PATJ: variants seen among roughly 807,000 people sequenced by gnomAD.
The protein encoded by PATJ is PATJ crumbs cell polarity complex component.
In PATJ, 190 loss-of-function variants were observed where a neutral mutation model predicts 224.9. That is an observed-to-expected ratio of 0.84 (90% CI 0.75 to 0.95). PATJ has a LOEUF of 0.95. Among genes scored for constraint, PATJ ranks in the 40% least tolerant of loss-of-function variants. The pLI, the probability that PATJ is intolerant of heterozygous loss-of-function variation, is 0.00. For synonymous variants in PATJ, 769 were observed against 820.3 expected (o/e 0.94, Z 1.07); for missense variants, 2,121 against 2,270.3 (o/e 0.93, Z 1.34).
At chr1:61,789,805 C>T (rs1405542043) in intron 8 of PATJ, among the ~76,000 whole-genome samples, 2 of 152,108 alleles carry the variant, frequency 1.3e-5, no homozygotes, top group Non-Finnish European at 2.9e-5. Flanking sequence ...GAGTGAGACT[C>T]TGTCTCAAAA....
In PATJ at chr1:62,117,144, C is replaced by T. The variant is rs905699203; in HGVS notation, c.4816C>T (p.Leu1606Phe). Residue 1606 changes from leucine (L) to phenylalanine (F), a missense_variant, in exon 37 of 44, where the codon CTT becomes TTT. Physicochemically the swap from Leu to Phe is conservative, Grantham distance 22 (BLOSUM62 0). Coordinates refer to ENST00000642238, the MANE Select transcript of PATJ (RefSeq NM_001350145.3). ...TTGCCTTTCCAAGTGTGCACAGGGA[C>T]TTGTGCAGCTAGAGATTGGAAGACT... is the stretch of plus-strand genomic sequence containing the variant. Reference protein sequence around the residue: ...VATILKCAQGLVQLEIGRLRA... With the variant: ...VATILKCAQGFVQLEIGRLRA... The T allele has an allele frequency of 1.9e-6, 3 of 1,613,794 alleles. No individual in the cohort carries two copies. The highest frequency in any genetic ancestry group is 2.5e-6 in the Non-Finnish European group (3 of 1,179,872).
intron 28 of PATJ, among the ~76,000 whole-genome samples, chr1:62,005,919 G>A (rs1329268625): frequency 6.6e-6 from 1 of 152,056 alleles, no homozygotes; most frequent in Non-Finnish European, 1.5e-5. Flanking sequence ...GTATTGTTAG[G>A]TATAATATAT....
At chr1:61,877,418 T>C (rs1281280440) in intron 21 of PATJ, among the ~76,000 whole-genome samples, 1 of 152,014 alleles carries the variant, frequency 6.6e-6, no homozygotes, top group Non-Finnish European at 1.5e-5. Flanking sequence ...ACTTCTGATA[T>C]GGTTTGGCTC....
intron 29 of PATJ, among the ~76,000 whole-genome samples, chr1:62,035,304 A>AT (rs1650167715): frequency 6.6e-6 from 1 of 152,012 alleles, no homozygotes; most frequent in South Asian, 2.1e-4. Flanking sequence ...TTTTCTCCCA[A>AT]TTGCTTTGGT....
rs1646284009 is a variant in PATJ, at chr1:61,766,568, T to C, written c.384+95T>C. ...TACTCATTCTTTTTGCTGTAAAATG[T>C]ATTAGTATGTATTTTGCTTGCTTCT... is the stretch of plus-strand genomic sequence containing the variant. On this transcript the variant is annotated intron_variant, in intron 4 of 43. Transcript: ENST00000642238. 2.7e-5 allele frequency: 21 copies of C among 784,000 alleles called. No individual in the cohort carries two copies. The South Asian group carries it at 4.5e-4, about 17-fold the overall frequency. 48.6% of individuals were successfully genotyped at this position (784,000 alleles called of 1,614,324 possible). A position where few individuals can be genotyped will look rare whatever the true frequency, so the allele number is the denominator to read the frequency against.
At chr1:61,759,655 A>G (rs1645852466) in intron 1 of PATJ, among the ~76,000 whole-genome samples, 1 of 152,282 alleles carries the variant, frequency 6.6e-6, no homozygotes, top group Middle Eastern at 3.4e-3. Context: ...TGATCCGCCT[A>G]CCTTGGCCTC....
At chr1:62,123,868 A>T (rs1558201579) in intron 39 of PATJ, among the ~76,000 whole-genome samples, 1 of 151,762 alleles carries the variant, frequency 6.6e-6, no homozygotes, top group African/African-American at 2.4e-5. Flanking sequence ...AAACATCTTT[A>T]TATTTTTGCC....
intron 27 of PATJ, among the ~76,000 whole-genome samples, chr1:61,961,943 T>C (rs1485300404): frequency 7.3e-6 from 1 of 137,812 alleles, no homozygotes; most frequent in Non-Finnish European, 1.5e-5. Context: ...CACTCCAGCC[T>C]GGGCGACAAG....
chr1:61,999,791 T>C (rs1645635281), intron 28 of PATJ, among the ~76,000 whole-genome samples: 1 of 152,212 alleles, frequency 6.6e-6, no homozygotes, highest in Non-Finnish European at 1.5e-5. Flanking sequence ...AGTTTTGTCA[T>C]TACAGAAAGT....
At chr1:61,829,000 T>G (rs1201330594) in intron 16 of PATJ, among the ~76,000 whole-genome samples, 4 of 152,206 alleles carry the variant, frequency 2.6e-5, no homozygotes, top group Non-Finnish European at 5.9e-5. Flanking sequence ...TGTGAGCAAC[T>G]TCTTAACACA....
chr1:61,982,099 C>G (rs1644483127), intron 27 of PATJ, among the ~76,000 whole-genome samples: 1 of 151,932 alleles, frequency 6.6e-6, no homozygotes, highest in African/African-American at 2.4e-5. Context: ...GTTTTGTGGC[C>G]TGCTTCTGGG....
At chr1:62,023,790 A>C (rs1647249887) in intron 29 of PATJ, among the ~76,000 whole-genome samples, 1 of 152,220 alleles carries the variant, frequency 6.6e-6, no homozygotes, top group South Asian at 2.1e-4. Context: ...TGTGTATGTC[A>C]ATCATTTTGA....
intron 25 of PATJ, among the ~76,000 whole-genome samples, chr1:61,913,294 G>T (rs986101912): frequency 7.9e-5 from 12 of 152,158 alleles, no homozygotes; most frequent in African/African-American, 2.9e-4. Flanking sequence ...GTGTTCAGTG[G>T]TGCAATTGTG....
intron 4 of PATJ, among the ~76,000 whole-genome samples, chr1:61,768,252 G>T (rs1646400308): frequency 6.6e-6 from 1 of 151,720 alleles, no homozygotes; most frequent in Middle Eastern, 3.4e-3. Flanking sequence ...GGCGGATCAC[G>T]AGGTCAGGAG....
chr1:62,108,089 A>G (rs1663326506), intron 33 of PATJ, among the ~76,000 whole-genome samples: 1 of 152,228 alleles, frequency 6.6e-6, no homozygotes, highest in South Asian at 2.1e-4. Flanking sequence ...ATACCAATAA[A>G]TACCTGAAAC....
At chr1:61,983,737 C>T (rs1644578325) in intron 27 of PATJ, among the ~76,000 whole-genome samples, 1 of 151,890 alleles carries the variant, frequency 6.6e-6, no homozygotes, top group Non-Finnish European at 1.5e-5. Flanking sequence ...GTTGGGTGGA[C>T]AAGGAGCTCA....
intron 41 of PATJ, among the ~76,000 whole-genome samples, chr1:62,134,256 A>C (rs1570746019): frequency 2.3e-5 from 3 of 127,992 alleles, no homozygotes; most frequent in Admixed American, 8.4e-5. Flanking sequence ...ATTGGCCTGC[A>C]CTCAAGAGAC....
intron 27 of PATJ, among the ~76,000 whole-genome samples, chr1:61,962,336 T>C (rs1168416270): frequency 6.6e-6 from 1 of 152,234 alleles, no homozygotes; most frequent in Non-Finnish European, 1.5e-5. Flanking sequence ...ATATTAAAAT[T>C]AGGCAGAAGG....
chr1:61,870,067 G>A (rs569850808), intron 20 of PATJ, among the ~76,000 whole-genome samples: 42 of 152,346 alleles, frequency 2.8e-4, no homozygotes, highest in South Asian at 1.2e-3. Flanking sequence ...CTCTGCCAGC[G>A]AGGGCAAAGG....
Sources: gnomAD v4.1 joint callset for allele counts (sites outside exome capture counted in the v4.1 genomes callset) on GRCh38, gnomAD v4.1.1 for gene constraint, MANE v1.5 for transcripts, NCBI Gene and HGNC (gene_info 2026-07-23, HGNC 2026-07-21) for gene names.